Variants in PMFBP1 observed in about 807,000 individuals in gnomAD.
PMFBP1 encodes polyamine-modulated factor 1-binding protein 1.
PMFBP1 carries 131 observed loss-of-function variants against 137.8 expected under a neutral mutation model. The observed-to-expected ratio is 0.95, with a 90% confidence interval of 0.82 to 1.10. The LOEUF is 1.10. Among genes scored for constraint, PMFBP1 ranks in the 50% least tolerant of loss-of-function variants. The probability of loss-of-function intolerance (pLI) is 0.00; values close to 1 mark genes in which losing one functional copy is unlikely to be tolerated. For synonymous variants in PMFBP1, 490 were observed against 450.4 expected, an observed-to-expected ratio of 1.09 and a Z score of -1.11; for missense variants, 1,199 against 1,175.4, an observed-to-expected ratio of 1.02 and a Z score of -0.29.
the PMFBP1 span, among the ~76,000 whole-genome samples, chr16:72,234,159 T>C: frequency 6.6e-6 from 1 of 152,194 alleles, no homozygotes; most frequent in East Asian, 1.9e-4. Flanking sequence ...TGTTACACTA[T>C]TTTCCAAAGT....
At chr16:72,188,132 G>A in the PMFBP1 span, among the ~76,000 whole-genome samples, 1 of 152,190 alleles carries the variant, frequency 6.6e-6, no homozygotes, top group South Asian at 2.1e-4. Context: ...GTTAATATTG[G>A]TCATTTCATT....
chr16:72,217,067 G>A, the PMFBP1 span, among the ~76,000 whole-genome samples: 3 of 152,114 alleles, frequency 2.0e-5, no homozygotes, highest in Non-Finnish European at 4.4e-5. Flanking sequence ...TGTCCTATAC[G>A]TGGTTCTCTC....
rs556504690 is a variant in PMFBP1, at chr16:72,160,737, G to A, written c.165+4027C>T. Among the ~76,000 whole-genome samples the A allele has an allele frequency of 7.9e-5, 12 of 152,206 alleles. No homozygotes were observed. The South Asian group carries it at 2.1e-3, about 26-fold the overall frequency. ...TAGAAAAAGGAAGTTAACACTGTCC[G>A]GGCCATAGCAGAACCCAGAGAATAC... On this transcript the variant is annotated intron_variant, in intron 3 of 20. Coordinates refer to ENST00000237353, the MANE Select transcript of PMFBP1 (RefSeq NM_031293.3).
At chr16:72,183,439 G>T in the PMFBP1 span, among the ~76,000 whole-genome samples, 1 of 152,070 alleles carries the variant, frequency 6.6e-6, no homozygotes, top group Non-Finnish European at 1.5e-5. Context: ...GGCCACCTTT[G>T]GTGCTCCTTG....
At chr16:72,146,502 T>C (rs2042808514) in intron 5 of PMFBP1, among the ~76,000 whole-genome samples, 2 of 152,004 alleles carry the variant, frequency 1.3e-5, no homozygotes, top group Admixed American at 6.6e-5. Flanking sequence ...CCTATTCGTG[T>C]AGTATTGGAA....
upstream of PMFBP1, among the ~76,000 whole-genome samples, chr16:72,181,690 C>T (rs1455546653): frequency 1.3e-5 from 2 of 152,142 alleles, no homozygotes. Context: ...TGATCATATT[C>T]ATTATAAAAT....
Position 72,126,107 on chromosome 16 carries a change from A to C in PMFBP1, c.2114T>G (p.Met705Arg). Residue 705 changes from methionine to arginine, a missense_variant, in exon 15 of 21, where the codon ATG becomes AGG. By Grantham distance (91) the Met-to-Arg change is moderately conservative. Coordinates refer to ENST00000237353, the MANE Select transcript of PMFBP1 (RefSeq NM_031293.3). Reference protein sequence around the residue: ...KEIALQKESLMSLQAQLDKAL... With the variant: ...KEIALQKESLRSLQAQLDKAL... ...TTTGTCCAGCTGGGCCTGCAGGCTCATTAAGGACTCCTTCTGAAGGGCTAT... is the reference window on the plus strand; with the variant it reads ...TTTGTCCAGCTGGGCCTGCAGGCTCCTTAAGGACTCCTTCTGAAGGGCTAT... 1 of 1,614,148 alleles carries C rather than the reference A, an allele frequency of 6.2e-7. No homozygotes were observed. The highest frequency in any genetic ancestry group is 8.5e-7 in the Non-Finnish European group (1 of 1,180,016).
chr16:72,179,180 C>T (rs932727693), upstream of PMFBP1, among the ~76,000 whole-genome samples: 5 of 152,198 alleles, frequency 3.3e-5, no homozygotes, highest in African/African-American at 1.2e-4. Context: ...GAGGTGCCTG[C>T]TCTCCAGCAG....
At chr16:72,185,226 G>A in the PMFBP1 span, among the ~76,000 whole-genome samples, 20 of 152,178 alleles carry the variant, frequency 1.3e-4, no homozygotes, top group African/African-American at 4.8e-4. Flanking sequence ...GTTTCACCAT[G>A]TTGCCTAGGC....
At chr16:72,203,352 G>C in the PMFBP1 span, among the ~76,000 whole-genome samples, 1 of 152,352 alleles carries the variant, frequency 6.6e-6, no homozygotes, top group Non-Finnish European at 1.5e-5. Flanking sequence ...AGAGGGTGTG[G>C]TAGGTTGGAG....
intron 3 of PMFBP1, among the ~76,000 whole-genome samples, chr16:72,158,440 A>C (rs1236385069): frequency 6.6e-6 from 1 of 152,122 alleles, no homozygotes; most frequent in Non-Finnish European, 1.5e-5. Flanking sequence ...TCATCTGTGA[A>C]TGAGGTTTGG....
the PMFBP1 span, among the ~76,000 whole-genome samples, chr16:72,193,500 C>T: frequency 6.6e-6 from 1 of 152,002 alleles, no homozygotes; most frequent in African/African-American, 2.4e-5. Flanking sequence ...TATTGCTTAT[C>T]TGTATTTTTT....
the PMFBP1 span, among the ~76,000 whole-genome samples, chr16:72,237,424 G>T: frequency 1.3e-5 from 2 of 151,896 alleles, no homozygotes; most frequent in Non-Finnish European, 2.9e-5. Flanking sequence ...GGCCATCTTT[G>T]TCTCAAATAG....
upstream of PMFBP1, among the ~76,000 whole-genome samples, chr16:72,178,597 A>G (rs1047588774): frequency 1.3e-5 from 2 of 152,162 alleles, no homozygotes; most frequent in African/African-American, 4.8e-5. Flanking sequence ...GAACTCATGG[A>G]TATCTATTAT....
At chr16:72,181,283 C>G (rs2043275818), upstream of PMFBP1, among the ~76,000 whole-genome samples, 1 of 151,400 alleles carries the variant, frequency 6.6e-6, no homozygotes, top group Admixed American at 6.6e-5. Flanking sequence ...AAATTAAATA[C>G]TCGATAAGGA....
At chr16:72,154,652 TAAG>T (rs1385904349) in intron 3 of PMFBP1, among the ~76,000 whole-genome samples, 193 bp from the exon 4 acceptor site, 1 of 152,146 alleles carries the variant, frequency 6.6e-6, no homozygotes, top group Non-Finnish European at 1.5e-5. Context: ...TCCCACTCAG[TAAG>T]AAGAATTCAG....
chr16:72,122,083 G>A (rs2042384828), intron 19 of PMFBP1, among the ~76,000 whole-genome samples: 1 of 152,018 alleles, frequency 6.6e-6, no homozygotes, highest in East Asian at 1.9e-4. Flanking sequence ...ATTGTCTGTT[G>A]TTTCCTTCTT....
chr16:72,181,494 A>C (rs1225079885), upstream of PMFBP1, among the ~76,000 whole-genome samples: 11 of 152,184 alleles, frequency 7.2e-5, no homozygotes, highest in Admixed American at 4.6e-4. Flanking sequence ...GAGTCAACTC[A>C]AACATTGGGT....
At position 72,154,192 on chromosome 16, in the gene PMFBP1, A is replaced by C; in HGVS notation, c.414+19T>G. The C allele has an allele frequency of 1.2e-6, 2 of 1,608,270 alleles. No homozygotes were observed. Among genetic ancestry groups the C allele is most frequent in the Middle Eastern group, 1.7e-4 (1 of 5,758 alleles). On this transcript the variant is annotated intron_variant, in intron 4 of 20. Coordinates refer to ENST00000237353, the MANE Select transcript of PMFBP1 (RefSeq NM_031293.3). ...GTACCTAAGAATGTGGGTTATTTCC[A>C]TGGTTAATCTGTCTATACCTCATCT...
Sources: allele counts gnomAD v4.1 joint callset (sites outside exome capture counted in the v4.1 genomes callset), GRCh38; gene constraint gnomAD v4.1.1; transcripts MANE v1.5; gene names NCBI Gene and HGNC (gene_info 2026-07-23, HGNC 2026-07-21).